The following ABCA3 variants were observed in gnomAD, a reference collection of about 807,000 sequenced individuals.
ABCA3 encodes the protein phospholipid-transporting ATPase ABCA3.
ABCA3 carries 88 observed loss-of-function variants against 172.8 expected under a neutral mutation model. That is an observed-to-expected ratio of 0.51 (90% confidence interval 0.43 to 0.61). The LOEUF (loss-of-function observed/expected upper bound fraction) is 0.61. Ranked by LOEUF, ABCA3 falls within the 20% of genes least tolerant of loss-of-function variation. The pLI is 0.00. For missense variants in ABCA3, 2,164 were observed against 2,301.0 expected (o/e 0.94, Z 1.22); for synonymous variants, 1,066 against 983.8 (o/e 1.08, Z -1.56).
rs773456703 is a variant in ABCA3 at position 2,308,643 on chromosome 16, C to CG, written c.1112-21dup. 20 of 1,613,056 alleles carry CG rather than the reference C, an allele frequency of 1.2e-5. No individual in the cohort carries two copies. The Admixed American group carries it at 2.5e-4, about 20-fold the overall frequency. The stretch of plus-strand genomic sequence containing the variant: ...TGTTGGCTGCAGGTGTTGGAAGACC[C>CG]GGGGGGCGTGAGCGTCAGTGCCCTC... On this transcript the variant is annotated intron_variant, in intron 10 of 32. Transcript: ENST00000301732.
At position 2,328,692 on chromosome 16, in the gene ABCA3, C is replaced by A; in HGVS notation, c.-266G>T. 1 of 374,700 alleles carries A rather than the reference C, an allele frequency of 2.7e-6. No homozygotes were observed. The allele number at this position is 374,700 out of a possible 1,614,324, so 23.2% of individuals were successfully genotyped here. A position where few individuals can be genotyped will look rare whatever the true frequency, so the allele number is the denominator to read the frequency against. Reference sequence around the variant, plus strand: ...CTTCCCGCTCAGCGTCCTTCATGTGCGGAAAAGCCTCCTTGACTCACAGTG... The same window carrying A: ...CTTCCCGCTCAGCGTCCTTCATGTGAGGAAAAGCCTCCTTGACTCACAGTG... On this transcript the variant is annotated 5_prime_UTR_variant, in exon 3 of 33. Coordinates refer to ENST00000301732, the MANE Select transcript of ABCA3 (RefSeq NM_001089.3).
chr16:2,285,707 G>C lies in ABCA3; in HGVS notation c.3279-61C>G. 4.6e-6 allele frequency: 7 copies of C among 1,524,880 alleles called. No homozygotes were observed. Among genetic ancestry groups the C allele is most frequent in the Non-Finnish European group, 6.2e-6 (7 of 1,125,808 alleles). The allele number at this position is 1,524,880 out of a possible 1,614,324, so 94.5% of individuals were successfully genotyped here. On this transcript the variant is annotated intron_variant, in intron 22 of 32. Transcript: ENST00000301732. The surrounding 1 kb of genome is among the most constrained non-coding windows in gnomAD (Gnocchi z 4.7). ...GCACGTCTGGGTGGCAGGAGAGGTC[G>C]GGTTCTCGGTTATGACCGCCCAAGG...
At position 2,277,710 on chromosome 16, in the gene ABCA3, T is replaced by C; in HGVS notation, c.4910-40A>G. 2 of 1,611,504 alleles carry C rather than the reference T, an allele frequency of 1.2e-6. No individual in the cohort carries two copies. Among genetic ancestry groups the C allele is most frequent in the Non-Finnish European group, 1.7e-6 (2 of 1,179,154 alleles). On this transcript the variant is annotated intron_variant, in intron 31 of 32. Coordinates refer to ENST00000301732, the MANE Select transcript of ABCA3 (RefSeq NM_001089.3). This position sits in a 1 kb window ranked among gnomAD's most constrained non-coding sequence, Gnocchi z 5.3. ...GACGGTGTTGCTGTGAGCGCCGGGC[T>C]GGAGGATCGGGGAGGGTGCCTGGGT... is the stretch of plus-strand genomic sequence containing the variant.
Position 2,285,362 on chromosome 16 carries a change from G to C in ABCA3, c.3483+80C>G, listed in dbSNP as rs2141694969. 6.6e-7 allele frequency: 1 copy of C among 1,516,048 alleles called. No individual in the cohort carries two copies. Among genetic ancestry groups the C allele is most frequent in the South Asian group, 1.2e-5 (1 of 83,198 alleles). The allele number at this position is 1,516,048 out of a possible 1,614,324, so 93.9% of individuals were successfully genotyped here. On this transcript the variant is annotated intron_variant, in intron 23 of 32. Transcript: ENST00000301732. This position sits in a 1 kb window ranked among gnomAD's most constrained non-coding sequence, Gnocchi z 4.7. ...TGCCGGCCTAGGGGCTGCCCAGCTGGTTCCGGTTCTGCACAGGGGTCCCAG... is the reference window on the plus strand; with the variant it reads ...TGCCGGCCTAGGGGCTGCCCAGCTGCTTCCGGTTCTGCACAGGGGTCCCAG...
intron 28 of ABCA3, among the ~76,000 whole-genome samples, chr16:2,280,224 C>T (rs1206566795): frequency 1.3e-5 from 2 of 152,244 alleles, no homozygotes; most frequent in African/African-American, 4.8e-5. Flanking sequence ...CATAGATTTT[C>T]AATTGCATAA....
chr16:2,322,666 A>G (rs2093727948), intron 7 of ABCA3, among the ~76,000 whole-genome samples: 2 of 152,028 alleles, frequency 1.3e-5, no homozygotes, highest in Admixed American at 6.6e-5. Flanking sequence ...AGATGGATTA[A>G]AGACTTCAAT....
chr16:2,301,579 G>A (rs1012295563), intron 12 of ABCA3, among the ~76,000 whole-genome samples: 1 of 151,996 alleles, frequency 6.6e-6, no homozygotes, highest in South Asian at 2.1e-4. Context: ...GTGTAGTGGT[G>A]GGTGCCTGTA....
chr16:2,298,313 C>T (rs2093683368), intron 15 of ABCA3, 73 bp downstream of exon 15: 2 of 1,602,078 alleles, frequency 1.2e-6, no homozygotes, highest in Non-Finnish European at 1.7e-6. Flanking sequence ...CAGTTTAGCT[C>T]CTCGGAAGAC....
At chr16:2,295,568 G>T (rs752593941) in intron 18 of ABCA3, 22 bp downstream of exon 18, 1 of 1,609,638 alleles carries the variant, frequency 6.2e-7, no homozygotes, top group East Asian at 2.2e-5. Context: ...ATACCTGTGC[G>T]TGCCCTCCCT....
At position 2,281,638 on chromosome 16, in the gene ABCA3, C is replaced by A; in HGVS notation, c.4036-129G>T. The A allele has an allele frequency of 8.4e-7, 1 of 1,195,102 alleles. No homozygotes were observed. The highest frequency in any genetic ancestry group is 1.3e-5 in the South Asian group (1 of 79,128). The allele number at this position is 1,195,102 out of a possible 1,614,324, so 74.0% of individuals were successfully genotyped here. A position where few individuals can be genotyped will look rare whatever the true frequency, so the allele number is the denominator to read the frequency against. On this transcript the variant is annotated intron_variant, in intron 26 of 32. Transcript: ENST00000301732. This position sits in a 1 kb window ranked among gnomAD's most constrained non-coding sequence, Gnocchi z 4.7. ...GGCCTTCAAGGCTTCTCGTCCCAAT[C>A]TCAGGCCCCACAGGTGCGACTCAGA...
At chr16:2,331,745 A>G (rs1440595204) in intron 1 of ABCA3, among the ~76,000 whole-genome samples, 1 of 152,244 alleles carries the variant, frequency 6.6e-6, no homozygotes, top group Admixed American at 6.5e-5. Flanking sequence ...AGAAGTGCTG[A>G]TGACTGAGGC....
At position 2,284,466 on chromosome 16, in the gene ABCA3, G is replaced by A. The variant is rs748112009; in HGVS notation, c.3704-29C>T. On this transcript the variant is annotated intron_variant, in intron 24 of 32. Transcript: ENST00000301732. This position sits in a 1 kb window ranked among gnomAD's most constrained non-coding sequence, Gnocchi z 5.9. ...CGTTGGGGAGGTAAGATCAGTCTGC[G>A]CTGGAGGGCACACCACACCCACCTC... 43 of 1,612,876 alleles carry A rather than the reference G, an allele frequency of 2.7e-5. No homozygotes were observed. The highest frequency in any genetic ancestry group is 3.3e-5 in the Non-Finnish European group (39 of 1,179,846).
chr16:2,281,585 G>A lies in ABCA3; in HGVS notation c.4036-76C>T. ...TTCCGTGGAGAAGGGAGGGGCGGGG[G>A]TGGATGTGGGAGGTCTGGTGGGACT... On this transcript the variant is annotated intron_variant, in intron 26 of 32. Transcript: ENST00000301732. This position sits in a 1 kb window ranked among gnomAD's most constrained non-coding sequence, Gnocchi z 4.7. 4.2e-6 allele frequency: 5 copies of A among 1,204,484 alleles called. No homozygotes were observed. In the South Asian group the frequency reaches 4.8e-5, roughly 12 times the overall value. 74.6% of individuals were successfully genotyped at this position (1,204,484 alleles called of 1,614,324 possible).
chr16:2,300,830 A>T (rs2093687724), intron 12 of ABCA3, among the ~76,000 whole-genome samples: 1 of 152,218 alleles, frequency 6.6e-6, no homozygotes, highest in Non-Finnish European at 1.5e-5. Context: ...GTTTACCCGC[A>T]GCTCCACGCC....
intron 14 of ABCA3, among the ~76,000 whole-genome samples, chr16:2,298,907 G>A (rs2093684463): frequency 6.6e-6 from 1 of 152,206 alleles, no homozygotes. Flanking sequence ...ACAGGGGAGA[G>A]CTCTCAGAGA....
In ABCA3 at chr16:2,277,673, G is replaced by T; in HGVS notation, c.4910-3C>A. 1 of 1,613,168 alleles carries T rather than the reference G, an allele frequency of 6.2e-7. No homozygotes were observed. ...GTGCTCATCTTCCAGGACGCTGCCT[G>T]CACAAAGGAGAGACGGTGTTGCTGT... On this transcript the variant is annotated splice_region_variant and splice_polypyrimidine_tract_variant and intron_variant, in intron 31 of 32. Coordinates refer to ENST00000301732, the MANE Select transcript of ABCA3 (RefSeq NM_001089.3). The surrounding 1 kb of genome is among the most constrained non-coding windows in gnomAD (Gnocchi z 5.3).
chr16:2,276,870 G>A (rs955046110), intron 32 of ABCA3, 65 bp from the exon 33 acceptor site: 1 of 1,600,338 alleles, frequency 6.2e-7, no homozygotes, highest in South Asian at 1.1e-5. Context: ...CGGGACCTGG[G>A]AGTCCTCTGG....
chr16:2,296,664 G>A (rs1226286726), intron 17 of ABCA3, among the ~76,000 whole-genome samples: 1 of 152,232 alleles, frequency 6.6e-6, no homozygotes, highest in East Asian at 1.9e-4. Flanking sequence ...ATCTCCTAAC[G>A]CCTGCTGTCC....
intron 10 of ABCA3, among the ~76,000 whole-genome samples, chr16:2,313,036 C>T (rs1232060474): frequency 6.6e-6 from 1 of 151,734 alleles, no homozygotes; most frequent in African/African-American, 2.4e-5. Flanking sequence ...GCCTGGGCAA[C>T]AGAACGAGAC....
Sources: gnomAD v4.1 joint callset for allele counts (sites outside exome capture counted in the v4.1 genomes callset) on GRCh38, gnomAD v4.1.1 for gene constraint, Gnocchi (gnomAD v3.1) non-coding constraint, MANE v1.5 for transcripts, NCBI Gene and HGNC (gene_info 2026-07-23, HGNC 2026-07-21) for gene names.